Variants in PRKN observed in about 807,000 individuals in gnomAD.
PRKN encodes parkin RBR E3 ubiquitin protein ligase.
PRKN carries 56 observed loss-of-function variants against 59.5 expected under a neutral mutation model. The observed-to-expected ratio is 0.94, with a 90% CI of 0.76 to 1.18. PRKN has a LOEUF of 1.18. PRKN is among the 50% of genes most tolerant of loss of function. PRKN has a pLI of 0.00. For missense variants in PRKN, 657 were observed against 596.4 expected, an observed-to-expected ratio of 1.10 and a Z score of -1.06; for synonymous variants, 250 against 222.1, an observed-to-expected ratio of 1.13 and a Z score of -1.12.
intron 5 of PRKN, among the ~76,000 whole-genome samples, chr6:162,014,968 A>G (rs1318085030): frequency 1.3e-5 from 2 of 152,138 alleles, no homozygotes; most frequent in East Asian, 3.9e-4. Context: ...TTCAATAACA[A>G]TTACTTTTTG....
At chr6:162,615,391 G>A (rs1248978282) in intron 1 of PRKN, among the ~76,000 whole-genome samples, 1 of 152,046 alleles carries the variant, frequency 6.6e-6, no homozygotes, top group African/African-American at 2.4e-5. Context: ...CAGTATACCT[G>A]CTATGTAGTT....
intron 1 of PRKN, among the ~76,000 whole-genome samples, chr6:162,612,347 G>A (rs533569668): frequency 4.0e-4 from 61 of 151,978 alleles, no homozygotes; most frequent in African/African-American, 1.4e-3. Context: ...GTCCTAGGAT[G>A]GAATGTTGAG....
At chr6:162,534,195 CTTA>C (rs1778626841) in intron 1 of PRKN, among the ~76,000 whole-genome samples, 1 of 152,082 alleles carries the variant, frequency 6.6e-6, no homozygotes, top group Non-Finnish European at 1.5e-5. Flanking sequence ...TCTTCGCCAT[CTTA>C]CGCTAGCAGG....
intron 7 of PRKN, among the ~76,000 whole-genome samples, chr6:161,637,638 T>A (rs1211684152): frequency 6.6e-6 from 1 of 151,932 alleles, no homozygotes; most frequent in Non-Finnish European, 1.5e-5. Context: ...AAGAATTGCT[T>A]AAAAGCACCT....
chr6:162,298,238 T>C (rs558583422), intron 2 of PRKN, among the ~76,000 whole-genome samples: 4 of 151,998 alleles, frequency 2.6e-5, no homozygotes, highest in South Asian at 2.1e-4. Flanking sequence ...CCTGCTTGCT[T>C]GAAATCTCTG....
intron 9 of PRKN, among the ~76,000 whole-genome samples, chr6:161,412,278 TCACTCATTCCTC>T (rs1296130906): frequency 7.0e-6 from 1 of 143,864 alleles, no homozygotes; most frequent in Non-Finnish European, 1.5e-5. Context: ...ATTCCTTCAC[TCACTCATTCCTC>T]CACTCATTCC....
At chr6:162,197,619 T>C (rs1327595568) in intron 4 of PRKN, among the ~76,000 whole-genome samples, 1 of 152,222 alleles carries the variant, frequency 6.6e-6, no homozygotes, top group Non-Finnish European at 1.5e-5. Context: ...CTTCGATATT[T>C]ATGAACTGTG....
chr6:162,304,198 T>C (rs1782105333), intron 2 of PRKN, among the ~76,000 whole-genome samples: 1 of 150,706 alleles, frequency 6.6e-6, no homozygotes, highest in Non-Finnish European at 1.5e-5. Context: ...GGTCGTCTCT[T>C]ATGTTGCCGC....
At chr6:161,717,879 T>C (rs906379194) in intron 7 of PRKN, among the ~76,000 whole-genome samples, 4 of 152,110 alleles carry the variant, frequency 2.6e-5, no homozygotes, top group African/African-American at 9.7e-5. Flanking sequence ...AGCTTTCCCC[T>C]TCCATGGTGA....
At chr6:161,723,995 C>T (rs1460512831) in intron 7 of PRKN, among the ~76,000 whole-genome samples, 5 of 152,224 alleles carry the variant, frequency 3.3e-5, no homozygotes, top group Non-Finnish European at 7.3e-5. Context: ...GTGGAAGCAG[C>T]TCCTTCCATT....
chr6:161,464,534 T>C (rs1342534729), intron 9 of PRKN, among the ~76,000 whole-genome samples: 1 of 152,238 alleles, frequency 6.6e-6, no homozygotes, highest in Non-Finnish European at 1.5e-5. Context: ...ATGTATTTTA[T>C]AACCTTTCCA....
intron 9 of PRKN, among the ~76,000 whole-genome samples, chr6:161,537,698 G>T (rs562095530): frequency 8.5e-5 from 13 of 152,094 alleles, no homozygotes; most frequent in South Asian, 2.1e-4. Context: ...TGATCCGCCC[G>T]CCTTAGCCTC....
At chr6:161,515,947 T>C (rs1026517678) in intron 9 of PRKN, among the ~76,000 whole-genome samples, 7 of 152,230 alleles carry the variant, frequency 4.6e-5, no homozygotes, top group African/African-American at 1.4e-4. Flanking sequence ...AAATTTTTTT[T>C]CCTTATAAGA....
chr6:162,381,009 A>G (rs916970565), intron 2 of PRKN, among the ~76,000 whole-genome samples: 4 of 152,140 alleles, frequency 2.6e-5, no homozygotes, highest in Non-Finnish European at 2.9e-5. Context: ...AGCCAGACTT[A>G]GAGCAGGATC....
intron 9 of PRKN, among the ~76,000 whole-genome samples, chr6:161,540,052 G>C (rs1056862188): frequency 3.3e-5 from 5 of 152,232 alleles, no homozygotes; most frequent in Middle Eastern, 3.4e-3. Flanking sequence ...GGGGGTTGGG[G>C]AGATGCAAGC....
intron 1 of PRKN, among the ~76,000 whole-genome samples, chr6:162,520,020 C>T (rs1262039645): frequency 6.6e-6 from 1 of 152,110 alleles, no homozygotes; most frequent in Non-Finnish European, 1.5e-5. Context: ...AAGGCCAAGG[C>T]AGGAGGACTG....
At chr6:162,153,386 G>A (rs533176119) in intron 4 of PRKN, among the ~76,000 whole-genome samples, 4 of 152,344 alleles carry the variant, frequency 2.6e-5, no homozygotes, top group East Asian at 1.9e-4. Flanking sequence ...GCAGCATCCA[G>A]GTGGGGCTGA....
chr6:161,558,878 G>A (rs1469079385), intron 8 of PRKN, among the ~76,000 whole-genome samples: 1 of 151,544 alleles, frequency 6.6e-6, no homozygotes, highest in East Asian at 1.9e-4. Context: ...CCATGACCCT[G>A]CTGTTTTTCT....
intron 1 of PRKN, among the ~76,000 whole-genome samples, chr6:162,558,471 A>T (rs9458586): frequency 0.31 from 46,316 of 151,124 alleles, 7,484 homozygotes; most frequent in East Asian, 0.49. Context: ...CTGGGATTAC[A>T]GGCATGCGCC....
Sources: allele counts gnomAD v4.1 joint callset (sites outside exome capture counted in the v4.1 genomes callset), GRCh38; gene constraint gnomAD v4.1.1; transcripts MANE v1.5; gene names NCBI Gene and HGNC (gene_info 2026-07-23, HGNC 2026-07-21).